The following CTDSPL variants were observed in gnomAD, a reference collection of about 807,000 sequenced individuals.
The protein encoded by CTDSPL is CTD small phosphatase like.
Under a neutral mutation model 30.5 loss-of-function variants are expected in CTDSPL, and 8 were observed. That is an observed-to-expected ratio of 0.26 (90% CI 0.15 to 0.47). CTDSPL has a LOEUF of 0.47. Among genes scored for constraint, CTDSPL ranks in the 20% least tolerant of loss-of-function variants. The pLI is 0.99. For synonymous variants in CTDSPL, 110 were observed against 137.9 expected, an observed-to-expected ratio of 0.80 and a Z score of 1.42; for missense variants, 248 against 366.1, an observed-to-expected ratio of 0.68 and a Z score of 2.63.
intron 3 of CTDSPL, 41 bp from the exon 4 acceptor site, chr3:37,964,521 TTGGTTTGTC>T (rs1217435296): frequency 7.9e-7 from 1 of 1,273,826 alleles, no homozygotes. Flanking sequence ...GCAATACTGA[TTGGTTTGTC>T]TTTTACATAA....
At chr3:37,967,714 CTGT>C (rs1396300557) in intron 4 of CTDSPL, 109 bp from the exon 5 acceptor site, 8 of 688,158 alleles carry the variant, frequency 1.2e-5, no homozygotes, top group Non-Finnish European at 2.0e-5. Flanking sequence ...TCCTCCTGAA[CTGT>C]TTTTTCCAAT....
At chr3:37,954,256 A>G (rs1340920845) in intron 2 of CTDSPL, among the ~76,000 whole-genome samples, 5 of 152,260 alleles carry the variant, frequency 3.3e-5, no homozygotes, top group South Asian at 4.1e-4. Context: ...CTGTTCATTC[A>G]TGAACTTCCT....
At chr3:37,979,751 C>T (rs1184058645) in intron 7 of CTDSPL, among the ~76,000 whole-genome samples, 1 of 151,878 alleles carries the variant, frequency 6.6e-6, no homozygotes, top group East Asian at 1.9e-4. Context: ...CAGAGTGTGA[C>T]GCTGTGTCAC....
At chr3:37,953,189 A>G (rs901402035) in intron 2 of CTDSPL, among the ~76,000 whole-genome samples, 1 of 152,102 alleles carries the variant, frequency 6.6e-6, no homozygotes, top group African/African-American at 2.4e-5. Flanking sequence ...CTTAATTTGG[A>G]CCAGCCACAT....
rs1699530637 is a variant in CTDSPL at position 37,984,379 on chromosome 3, G to A, written c.*3512G>A. 5 of 445,864 alleles carry A rather than the reference G, an allele frequency of 1.1e-5. No homozygotes were observed. The highest frequency in any genetic ancestry group is 4.0e-5 in the African/African-American group (2 of 49,906). 27.6% of individuals were successfully genotyped at this position (445,864 alleles called of 1,614,324 possible). A position where few individuals can be genotyped will look rare whatever the true frequency, so the allele number is the denominator to read the frequency against. On this transcript the variant is annotated 3_prime_UTR_variant, in exon 8 of 8. Coordinates refer to ENST00000273179, the MANE Select transcript of CTDSPL (RefSeq NM_001008392.2). ...CAGCATTACTTAGGAAATGCTACATGCGGAATGTGCACGTTTCCAGGGGCG... is the reference window on the plus strand; with the variant it reads ...CAGCATTACTTAGGAAATGCTACATACGGAATGTGCACGTTTCCAGGGGCG...
intron 1 of CTDSPL, among the ~76,000 whole-genome samples, chr3:37,938,278 C>CA (rs1698937214): frequency 1.3e-5 from 2 of 150,016 alleles, no homozygotes; most frequent in Admixed American, 1.3e-4. Context: ...GTGCAGACCT[C>CA]AGAGGTTTGG....
Position 37,865,871 on chromosome 3 carries a change from A to G in CTDSPL, c.79+3593A>G, listed in dbSNP as rs556470164. Among the ~76,000 whole-genome samples, 36 of 152,264 alleles carry G rather than the reference A, an allele frequency of 2.4e-4. 1 individual carries two copies. The South Asian group carries it at 3.5e-3, about 15-fold the overall frequency. ...GTTTAATTGGCCAGAACCAGGCCAC[A>G]TGGCTACCCCTTGCTGCAAACAGAG... On this transcript the variant is annotated intron_variant, in intron 1 of 7. Coordinates refer to ENST00000273179, the MANE Select transcript of CTDSPL (RefSeq NM_001008392.2).
chr3:37,922,201 C>CT (rs1388763326), intron 1 of CTDSPL, among the ~76,000 whole-genome samples: 3 of 151,934 alleles, frequency 2.0e-5, no homozygotes, highest in Non-Finnish European at 4.4e-5. Flanking sequence ...CACCATTGCA[C>CT]TCCAGCCTGG....
chr3:37,902,788 CG>C (rs1223630575), intron 1 of CTDSPL, among the ~76,000 whole-genome samples: 2 of 152,138 alleles, frequency 1.3e-5, no homozygotes, highest in South Asian at 2.1e-4. Context: ...CAGGGGTCAC[CG>C]GTCACCCGTT....
At chr3:37,896,480 A>G (rs1202394881) in intron 1 of CTDSPL, among the ~76,000 whole-genome samples, 1 of 152,156 alleles carries the variant, frequency 6.6e-6, no homozygotes, top group Non-Finnish European at 1.5e-5. Context: ...GATAGGTAGG[A>G]GACATCATGT....
intron 1 of CTDSPL, chr3:37,911,556 A>G (rs1381655531): frequency 7.4e-6 from 3 of 407,736 alleles, no homozygotes; most frequent in Non-Finnish European, 9.9e-6. Context: ...AATTAGCTAT[A>G]GAGTAGCTAT....
intron 1 of CTDSPL, among the ~76,000 whole-genome samples, chr3:37,944,312 A>C (rs72863938): frequency 3.3e-4 from 50 of 150,606 alleles, no homozygotes; most frequent in African/African-American, 1.2e-3. Context: ...TTGCTTAGTT[A>C]TGATCAAGTC....
chr3:37,946,303 G>A (rs1323923849), intron 1 of CTDSPL, among the ~76,000 whole-genome samples: 1 of 152,334 alleles, frequency 6.6e-6, no homozygotes, highest in East Asian at 1.9e-4. Flanking sequence ...TCCCTCCAGT[G>A]CCTTAGTTCA....
rs138063784 is a variant in CTDSPL, at chr3:37,896,817, G to A, written c.79+34539G>A. Among the ~76,000 whole-genome samples, 45 of 152,278 alleles carry A rather than the reference G, an allele frequency of 3.0e-4. 1 individual carries two copies. The East Asian group carries it at 8.3e-3, about 28-fold the overall frequency. Reference sequence around the variant, plus strand: ...ACCTCCCCAAGTGTTGGGATTACAGGCGTGAGTCACCATGCCTGGCCAACA... The same window carrying A: ...ACCTCCCCAAGTGTTGGGATTACAGACGTGAGTCACCATGCCTGGCCAACA... On this transcript the variant is annotated intron_variant, in intron 1 of 7. Coordinates refer to ENST00000273179, the MANE Select transcript of CTDSPL (RefSeq NM_001008392.2).
chr3:37,911,555 T>C, intron 1 of CTDSPL: 1 of 407,118 alleles, frequency 2.5e-6, no homozygotes, highest in East Asian at 7.2e-5. Flanking sequence ...GAATTAGCTA[T>C]AGAGTAGCTA....
At chr3:37,892,425 A>AT (rs1698338400) in intron 1 of CTDSPL, among the ~76,000 whole-genome samples, 1 of 152,088 alleles carries the variant, frequency 6.6e-6, no homozygotes, top group Admixed American at 6.5e-5. Context: ...CAACTGTTTT[A>AT]TGCTTTAGTC....
intron 1 of CTDSPL, among the ~76,000 whole-genome samples, chr3:37,868,359 A>T (rs1336454007): frequency 6.6e-6 from 1 of 151,998 alleles, no homozygotes; most frequent in Non-Finnish European, 1.5e-5. Context: ...TCTAGCCTAT[A>T]GCTTGGCTTT....
chr3:37,922,711 T>A (rs1698732167), intron 1 of CTDSPL, among the ~76,000 whole-genome samples: 1 of 152,220 alleles, frequency 6.6e-6, no homozygotes, highest in African/African-American at 2.4e-5. Flanking sequence ...TCACTCCTTA[T>A]TACATGATAT....
chr3:37,897,468 T>A (rs1698402294), intron 1 of CTDSPL, among the ~76,000 whole-genome samples: 1 of 152,204 alleles, frequency 6.6e-6, no homozygotes, highest in Admixed American at 6.5e-5. Flanking sequence ...GCAAGTAGGA[T>A]GTTAAAATTT....
Sources: allele counts gnomAD v4.1 joint callset (sites outside exome capture counted in the v4.1 genomes callset), GRCh38; gene constraint gnomAD v4.1.1; transcripts MANE v1.5; gene names NCBI Gene and HGNC (gene_info 2026-07-23, HGNC 2026-07-21).